Variants in AIDA observed in about 807,000 individuals in gnomAD.
The protein encoded by AIDA is axin interactor, dorsalization-associated protein.
Under a neutral mutation model 42.7 loss-of-function variants are expected in AIDA, and 18 were observed. That is an observed-to-expected ratio of 0.42 (90% CI 0.29 to 0.63). AIDA has a LOEUF of 0.63. AIDA is among the 20% of genes least tolerant of loss of function. The pLI, the probability that AIDA is intolerant of heterozygous loss-of-function variation, is 0.19. For missense variants in AIDA, 250 were observed against 354.1 expected (o/e 0.71, Z 2.36); for synonymous variants, 104 against 122.9 (o/e 0.85, Z 1.02).
Position 222,687,016 on chromosome 1 carries a change from T to A in AIDA, c.374A>T (p.Glu125Val), listed in dbSNP as rs762815876. 6.2e-7 allele frequency: 1 copy of A among 1,613,416 alleles called. No individual in the cohort carries two copies. Among genetic ancestry groups the A allele is most frequent in the Admixed American group, 1.7e-5 (1 of 59,954 alleles). Reference sequence around the variant, plus strand: ...TTCTTCAAATTCCAAATTCTCTTCTTCACCAGGTGCCAAAATTCTTCTACA... The same window carrying A: ...TTCTTCAAATTCCAAATTCTCTTCTACACCAGGTGCCAAAATTCTTCTACA... ...VPLRRILAPG[E>V]EENLEFEEDE... is the part of the protein sequence containing the mutation. Residue 125 changes from glutamate to valine, a missense_variant, in exon 6 of 10, where the codon GAA (glutamate) becomes GTA (valine). Around this residue, in one of 4 missense-constraint regions of AIDA, gnomAD observed 199 missense variants for 232.6 expected, o/e 0.86. Transcript: ENST00000340020.
rs1162033951 is a variant in AIDA, at chr1:222,670,240, G to A, written c.717C>T (p.Ile239=). ...HVEKLTKGAA[I]FFEFKHYKPK... The stretch of plus-strand genomic sequence containing the variant: ...GCTTGTAGTGTTTGAATTCAAAGAA[G>A]ATAGCTGCACCTAAGGAATTAAAAC... The change falls in exon 9 of 10, where the codon ATC becomes ATT. Residue 239 remains isoleucine, a synonymous_variant. Coordinates refer to ENST00000340020, the MANE Select transcript of AIDA (RefSeq NM_022831.4). 1 of 1,613,432 alleles carries A rather than the reference G, an allele frequency of 6.2e-7. No individual in the cohort carries two copies. Among genetic ancestry groups the A allele is most frequent in the South Asian group, 1.1e-5 (1 of 90,966 alleles).
At chr1:222,694,336 T>A in intron 2 of AIDA, 73 bp from the exon 3 acceptor site, 4 of 1,254,856 alleles carry the variant, frequency 3.2e-6, no homozygotes, top group Non-Finnish European at 4.6e-6. Flanking sequence ...AAGTTAATTT[T>A]TATTAATAAA....
At chr1:222,674,117 T>C (rs944158204) in intron 7 of AIDA, among the ~76,000 whole-genome samples, 1 of 152,020 alleles carries the variant, frequency 6.6e-6, no homozygotes, top group South Asian at 2.1e-4. Context: ...AAAAAAACCC[T>C]GTCAACTACA....
chr1:222,686,554 C>T (rs1040570362), intron 6 of AIDA, among the ~76,000 whole-genome samples: 2 of 152,176 alleles, frequency 1.3e-5, no homozygotes. Flanking sequence ...TCTTATGTGA[C>T]TCTACTGGAA....
chr1:222,699,113 C>T lies in AIDA; in HGVS notation c.180+4035G>A, dbSNP rs116787680. Among the ~76,000 whole-genome samples the T allele has an allele frequency of 5.5e-3, 833 of 152,282 alleles. 2 individuals carry two copies. Among genetic ancestry groups the T allele is most frequent in the African/African-American group, 0.019 (801 of 41,562 alleles). On this transcript the variant is annotated intron_variant, in intron 2 of 9. Coordinates refer to ENST00000340020, the MANE Select transcript of AIDA (RefSeq NM_022831.4). ...GTGCTGCGATTACAGGTGTGAGACA[C>T]CCCGTCTGGCCAAAGTATGTTTTGT...
At chr1:222,691,420 A>G (rs1553294597) in intron 4 of AIDA, among the ~76,000 whole-genome samples, 1 of 152,194 alleles carries the variant, frequency 6.6e-6, no homozygotes, top group Non-Finnish European at 1.5e-5. Context: ...CAATTCTACA[A>G]TGAGAACATT....
intron 2 of AIDA, among the ~76,000 whole-genome samples, chr1:222,702,549 A>G (rs1655737814): frequency 6.6e-6 from 1 of 152,206 alleles, no homozygotes; most frequent in Non-Finnish European, 1.5e-5. Context: ...AAAAAATTTA[A>G]TTCAAGGAGA....
At chr1:222,689,827 T>G (rs1655323650) in intron 4 of AIDA, among the ~76,000 whole-genome samples, 1 of 152,110 alleles carries the variant, frequency 6.6e-6, no homozygotes, top group South Asian at 2.1e-4. Context: ...TGTACAATAA[T>G]GTCCTAGGCC....
chr1:222,701,935 G>T (rs899693000), intron 2 of AIDA, among the ~76,000 whole-genome samples: 6 of 151,724 alleles, frequency 4.0e-5, no homozygotes, highest in African/African-American at 1.5e-4. Context: ...TATTGGCCAG[G>T]CTGGTCTCGA....
At chr1:222,690,175 C>T (rs1655334965) in intron 4 of AIDA, among the ~76,000 whole-genome samples, 2 of 152,182 alleles carry the variant, frequency 1.3e-5, no homozygotes, top group South Asian at 2.1e-4. Flanking sequence ...TCCTTGAGTG[C>T]ATCCCTGTCA....
At chr1:222,672,469 A>G (rs1664466932) in intron 8 of AIDA, among the ~76,000 whole-genome samples, 1 of 152,174 alleles carries the variant, frequency 6.6e-6, no homozygotes, top group African/African-American at 2.4e-5. Context: ...AATCACCTAG[A>G]GGGCTTCCTA....
chr1:222,706,841 T>G (rs1437027281), intron 1 of AIDA, among the ~76,000 whole-genome samples: 18 of 105,616 alleles, frequency 1.7e-4, no homozygotes, highest in African/African-American at 6.3e-4. Context: ...GGTAACAGAG[T>G]GGGACTGCGC....
At chr1:222,688,351 T>C (rs1012778556) in intron 4 of AIDA, among the ~76,000 whole-genome samples, 1 of 152,174 alleles carries the variant, frequency 6.6e-6, no homozygotes, top group Non-Finnish European at 1.5e-5. Context: ...AAATTTATTA[T>C]ACTGAGTCCT....
intron 4 of AIDA, among the ~76,000 whole-genome samples, chr1:222,690,428 T>C (rs1458934199): frequency 6.6e-6 from 1 of 152,204 alleles, no homozygotes; most frequent in Non-Finnish European, 1.5e-5. Flanking sequence ...TCTGGCCTTA[T>C]GGGTGCCCAG....
At chr1:222,673,777 C>CA (rs572823561) in intron 7 of AIDA, among the ~76,000 whole-genome samples, 120 of 147,616 alleles carry the variant, frequency 8.1e-4, no homozygotes, top group African/African-American at 2.8e-3. Context: ...GACTCTGTCT[C>CA]AAAAAAACAA....
intron 4 of AIDA, among the ~76,000 whole-genome samples, chr1:222,688,735 G>T (rs1427370054): frequency 1.3e-5 from 2 of 152,064 alleles, no homozygotes; most frequent in African/African-American, 2.4e-5. Flanking sequence ...GAGTAGCTAG[G>T]ATTACAGGCA....
At chr1:222,690,183 T>G (rs1442381509) in intron 4 of AIDA, among the ~76,000 whole-genome samples, 1 of 152,228 alleles carries the variant, frequency 6.6e-6, no homozygotes, top group Non-Finnish European at 1.5e-5. Flanking sequence ...TGCATCCCTG[T>G]CATTAAGTGA....
intron 1 of AIDA, among the ~76,000 whole-genome samples, chr1:222,710,441 T>C (rs1014550538): frequency 2.6e-5 from 4 of 152,232 alleles, no homozygotes; most frequent in Admixed American, 6.5e-5. Flanking sequence ...GTAATTTCAA[T>C]TGGACATGGT....
chr1:222,686,824 CTT>C (rs989976702), intron 6 of AIDA, 104 bp downstream of exon 6: 5 of 1,379,768 alleles, frequency 3.6e-6, no homozygotes, highest in Non-Finnish European at 4.9e-6. Context: ...TTGGCATGAG[CTT>C]TAGAGTGGTT....
Sources: allele counts gnomAD v4.1 joint callset (sites outside exome capture counted in the v4.1 genomes callset), GRCh38; gene constraint gnomAD v4.1.1; regional missense constraint gnomAD v4.1.1; transcripts MANE v1.5; gene names NCBI Gene and HGNC (gene_info 2026-07-23, HGNC 2026-07-21).